The following ILDR2 variants were observed in gnomAD, a reference collection of about 807,000 sequenced individuals.
ILDR2 encodes the protein immunoglobulin-like domain-containing receptor 2.
In ILDR2, 25 loss-of-function variants were observed where a neutral mutation model predicts 66.8. The ratio of observed to expected loss-of-function variants is 0.37; its 90% CI spans 0.27 to 0.52. The LOEUF (loss-of-function observed/expected upper bound fraction) is 0.52, where lower values mean the gene tolerates loss of function less well. ILDR2 is among the 20% of genes least tolerant of loss of function. The probability of loss-of-function intolerance (pLI) is 0.88; values close to 1 mark genes in which losing one functional copy is unlikely to be tolerated. For synonymous variants in ILDR2, 367 were observed against 357.2 expected, an observed-to-expected ratio of 1.03 and a Z score of -0.31; for missense variants, 827 against 876.8, an observed-to-expected ratio of 0.94 and a Z score of 0.72.
At chr1:166,930,075 T>C (rs1660543854) in intron 6 of ILDR2, among the ~76,000 whole-genome samples, 1 of 152,160 alleles carries the variant, frequency 6.6e-6, no homozygotes, top group African/African-American at 2.4e-5. Flanking sequence ...TATGGAACAA[T>C]GTACCAGCTG....
At chr1:166,953,141 T>A (rs1662083754) in intron 3 of ILDR2, among the ~76,000 whole-genome samples, 1 of 152,174 alleles carries the variant, frequency 6.6e-6, no homozygotes. Flanking sequence ...TGTGTCTTGA[T>A]AAAGTAACTA....
intron 3 of ILDR2, among the ~76,000 whole-genome samples, chr1:166,948,832 T>C (rs550606854): frequency 2.0e-5 from 3 of 152,168 alleles, no homozygotes; most frequent in Non-Finnish European, 4.4e-5. Context: ...ACGCTGGCGA[T>C]GTGGTGTGGG....
chr1:166,943,564 G>A (rs1661444963), intron 3 of ILDR2, among the ~76,000 whole-genome samples: 1 of 150,760 alleles, frequency 6.6e-6, no homozygotes. Flanking sequence ...GGAGCTAAAG[G>A]CATTTTAAAA....
In ILDR2 at chr1:166,921,535, T is replaced by C. The variant is rs1000334095; in HGVS notation, c.1212-156A>G. ...GGCTGGATGAAGCATTCCAGGCTCCTCTCACACCCCAGAACGTCAAGTAGG... is the reference window on the plus strand; with the variant it reads ...GGCTGGATGAAGCATTCCAGGCTCCCCTCACACCCCAGAACGTCAAGTAGG... On this transcript the variant is annotated intron_variant, in intron 8 of 9. Coordinates refer to ENST00000271417, the MANE Select transcript of ILDR2 (RefSeq NM_199351.3). The surrounding 1 kb of genome is among the most constrained non-coding windows in gnomAD (Gnocchi z 5.3). Among the ~76,000 whole-genome samples the C allele has an allele frequency of 1.3e-5, 2 of 152,176 alleles. No individual in the cohort carries two copies. Among genetic ancestry groups the C allele is most frequent in the Non-Finnish European group, 2.9e-5 (2 of 68,024 alleles).
rs1659515029 is a variant in ILDR2, at chr1:166,913,315, G to C, written c.*6040C>G. On this transcript the variant is annotated 3_prime_UTR_variant, in exon 10 of 10. Transcript: ENST00000271417. The stretch of plus-strand genomic sequence containing the variant: ...ACAGTAATACAAACATTTCAGTTTT[G>C]ATGTCACAAGGCACAAAGACAACTG... 6.6e-6 allele frequency: 1 copy of C among 152,088 alleles called. No individual in the cohort carries two copies. The highest frequency in any genetic ancestry group is 2.1e-4 in the South Asian group (1 of 4,812). 9.4% of individuals were successfully genotyped at this position (152,088 alleles called of 1,614,324 possible). A position where few individuals can be genotyped will look rare whatever the true frequency, so the allele number is the denominator to read the frequency against.
chr1:166,941,656 G>A (rs1661317524), intron 3 of ILDR2, among the ~76,000 whole-genome samples: 1 of 151,972 alleles, frequency 6.6e-6, no homozygotes, highest in South Asian at 2.1e-4. Flanking sequence ...TGTACTTGAT[G>A]GTGGATTTTT....
chr1:166,947,274 A>C (rs1490694695), intron 3 of ILDR2, among the ~76,000 whole-genome samples: 1 of 152,206 alleles, frequency 6.6e-6, no homozygotes, highest in African/African-American at 2.4e-5. Context: ...TGCTCCATCC[A>C]TCAGACTGCC....
At chr1:166,969,835 A>G (rs1014743504) in intron 1 of ILDR2, among the ~76,000 whole-genome samples, 2 of 152,176 alleles carry the variant, frequency 1.3e-5, no homozygotes, top group African/African-American at 2.4e-5. Flanking sequence ...AGGCAGTGAC[A>G]TTATTTCTTA....
In ILDR2 at chr1:166,919,207, C is replaced by T. The variant is rs1659757214; in HGVS notation, c.*148G>A. ...GTTTGAAATCAGCCTCCCTTAAAGG[C>T]TGCCTGCCATCCCTTGCCAAAGCAG... On this transcript the variant is annotated 3_prime_UTR_variant, in exon 10 of 10. Transcript: ENST00000271417. 7.1e-6 allele frequency: 5 copies of T among 709,044 alleles called. No homozygotes were observed. Among genetic ancestry groups the T allele is most frequent in the Non-Finnish European group, 1.2e-5 (5 of 406,012 alleles). 43.9% of individuals were successfully genotyped at this position (709,044 alleles called of 1,614,324 possible).
In ILDR2 at chr1:166,916,525, C is replaced by T. The variant is rs954826111; in HGVS notation, c.*2830G>A. On this transcript the variant is annotated 3_prime_UTR_variant, in exon 10 of 10. Transcript: ENST00000271417. The stretch of plus-strand genomic sequence containing the variant: ...CTAGGAAAGAAGCTAACAAATATAA[C>T]CATTTCCTGTGCAGGACACACTATT... The T allele has an allele frequency of 6.6e-6, 1 of 152,182 alleles. No individual in the cohort carries two copies. The highest frequency in any genetic ancestry group is 1.5e-5 in the Non-Finnish European group (1 of 68,032). 9.4% of individuals were successfully genotyped at this position (152,182 alleles called of 1,614,324 possible). A position where few individuals can be genotyped will look rare whatever the true frequency, so the allele number is the denominator to read the frequency against.
chr1:166,964,559 G>A (rs980681081), intron 1 of ILDR2, among the ~76,000 whole-genome samples: 1 of 152,176 alleles, frequency 6.6e-6, no homozygotes, highest in African/African-American at 2.4e-5. Flanking sequence ...GTGAGTCTGA[G>A]GGGCCTTTCT....
At chr1:166,898,515 G>C (rs1038633254) in intron 2 of ILDR2, among the ~76,000 whole-genome samples, 3 of 152,128 alleles carry the variant, frequency 2.0e-5, no homozygotes, top group Non-Finnish European at 4.4e-5. Flanking sequence ...GGATAACCAG[G>C]TGGCTCAAAG....
intron 7 of ILDR2, among the ~76,000 whole-genome samples, chr1:166,925,272 T>C (rs1315932812): frequency 6.6e-6 from 1 of 152,238 alleles, no homozygotes; most frequent in East Asian, 1.9e-4. Flanking sequence ...CCCAGTTCCA[T>C]GATCCAGCCC....
At chr1:166,923,138 C>T (rs1660061364) in intron 7 of ILDR2, among the ~76,000 whole-genome samples, 1 of 152,204 alleles carries the variant, frequency 6.6e-6, no homozygotes, top group African/African-American at 2.4e-5. Context: ...ACATCATCAT[C>T]CTTGTTCAAA....
Position 166,936,480 on chromosome 1 carries a change from T to TG in ILDR2, c.703+110dup. On this transcript the variant is annotated intron_variant, in intron 5 of 9. Coordinates refer to ENST00000271417, the MANE Select transcript of ILDR2 (RefSeq NM_199351.3). This position sits in a 1 kb window ranked among gnomAD's most constrained non-coding sequence, Gnocchi z 5.0. The stretch of plus-strand genomic sequence containing the variant: ...GAGAAGAGTCTGGAATGACCAATCT[T>TG]GGGGGTGGCAGGACAGGAGGTGGAG... The TG allele has an allele frequency of 4.6e-6, 7 of 1,516,226 alleles. No individual in the cohort carries two copies. Among genetic ancestry groups the TG allele is most frequent in the Non-Finnish European group, 6.3e-6 (7 of 1,116,876 alleles). The allele number at this position is 1,516,226 out of a possible 1,614,324, so 93.9% of individuals were successfully genotyped here. A position where few individuals can be genotyped will look rare whatever the true frequency, so the allele number is the denominator to read the frequency against.
intron 9 of ILDR2, 127 bp from the exon 10 acceptor site, chr1:166,919,517 C>T (rs1659775006): frequency 2.7e-6 from 2 of 747,080 alleles, no homozygotes; most frequent in Admixed American, 5.4e-5. Context: ...TTCTCAGAAC[C>T]TTTCATTAGA....
At chr1:166,950,726 T>TACACACACACACACAC (rs57212569) in intron 3 of ILDR2, among the ~76,000 whole-genome samples, 1 of 146,616 alleles carries the variant, frequency 6.8e-6, no homozygotes, top group African/African-American at 2.5e-5. Flanking sequence ...TGATCTAAAA[T>TACACACACACACACAC]ACACACACAC....
chr1:166,956,975 T>C (rs1662318017), intron 2 of ILDR2, 123 bp from the exon 3 acceptor site: 1 of 957,770 alleles, frequency 1.0e-6, no homozygotes, highest in South Asian at 1.8e-5. Context: ...TTTCTTTATC[T>C]GGATGGTGGT....
chr1:166,912,430 G>GT lies in ILDR2; in HGVS notation c.*6924dup, dbSNP rs1659492534. The GT allele has an allele frequency of 6.6e-6, 1 of 152,218 alleles. No homozygotes were observed. The highest frequency in any genetic ancestry group is 6.5e-5 in the Admixed American group (1 of 15,298). The allele number at this position is 152,218 out of a possible 1,614,324, so 9.4% of individuals were successfully genotyped here. A position where few individuals can be genotyped will look rare whatever the true frequency, so the allele number is the denominator to read the frequency against. Reference sequence around the variant, plus strand: ...AAAAAAAGATGTGTAGAAAAAACACGTGGGTGATTCTAAACAAATACTTTA... The same window carrying GT: ...AAAAAAAGATGTGTAGAAAAAACACGTTGGGTGATTCTAAACAAATACTTTA... On this transcript the variant is annotated 3_prime_UTR_variant, in exon 10 of 10. Transcript: ENST00000271417.
Sources: gnomAD v4.1 joint callset for allele counts (sites outside exome capture counted in the v4.1 genomes callset) on GRCh38, gnomAD v4.1.1 for gene constraint, Gnocchi (gnomAD v3.1) non-coding constraint, MANE v1.5 for transcripts, NCBI Gene and HGNC (gene_info 2026-07-23, HGNC 2026-07-21) for gene names.